Variants in MGRN1 observed in about 807,000 individuals in gnomAD.
The protein encoded by MGRN1 is mahogunin ring finger 1.
Under a neutral mutation model 69.2 loss-of-function variants are expected in MGRN1, and 29 were observed. That is an observed-to-expected ratio of 0.42 (90% CI 0.31 to 0.57). MGRN1 has a LOEUF of 0.57. MGRN1 is among the 20% of genes least tolerant of loss of function. The probability of loss-of-function intolerance (pLI) is 0.15; values close to 1 mark genes in which losing one functional copy is unlikely to be tolerated. For missense variants in MGRN1, 998 were observed against 796.2 expected (o/e 1.25, Z -3.05); for synonymous variants, 470 against 344.2 (o/e 1.37, Z -4.04).
At chr16:4,645,171 C>T (rs945649020) in intron 1 of MGRN1, among the ~76,000 whole-genome samples, 5 of 146,826 alleles carry the variant, frequency 3.4e-5, no homozygotes, top group African/African-American at 7.7e-5. Flanking sequence ...GGTGGGGGGA[C>T]GGGAAGAGAG....
chr16:4,657,686 T>A (rs1318972387), intron 5 of MGRN1, among the ~76,000 whole-genome samples: 1 of 151,860 alleles, frequency 6.6e-6, no homozygotes, highest in African/African-American at 2.4e-5. Flanking sequence ...CCAGGTGGCA[T>A]TCCTTCAAGC....
chr16:4,646,963 C>A (rs772373553), intron 1 of MGRN1, among the ~76,000 whole-genome samples: 1 of 152,192 alleles, frequency 6.6e-6, no homozygotes, highest in African/African-American at 2.4e-5. Context: ...CCCTCCAGAC[C>A]AAGGCTGCCC....
At position 4,683,927 on chromosome 16, in the gene MGRN1, T is replaced by C. The variant is rs777091179; in HGVS notation, c.1613T>C (p.Leu538Pro). 1.3e-5 allele frequency: 18 copies of C among 1,345,028 alleles called. No individual in the cohort carries two copies. In the East Asian group the frequency reaches 5.8e-4, roughly 43 times the overall value. The allele number at this position is 1,345,028 out of a possible 1,614,324, so 83.3% of individuals were successfully genotyped here. A position where few individuals can be genotyped will look rare whatever the true frequency, so the allele number is the denominator to read the frequency against. The change falls in exon 16 of 17, where the codon CTG (leucine) becomes CCG (proline). Residue 538 changes from leucine (L) to proline (P), a missense_variant. By Grantham distance (98) the Leu-to-Pro change is moderately conservative (BLOSUM62 -3). Transcript: ENST00000262370. ...CGRGPPADIYLPGRPTSMETA... is the reference protein window; with the variant it reads ...CGRGPPADIYPPGRPTSMETA... ...CGAGGCCCACCTGCTGACATCTACC[T>C]GCCAGGTAAGGGGCTGGGGGTCTGG... is the stretch of plus-strand genomic sequence containing the variant.
intron 16 of MGRN1, chr16:4,686,924 G>C: frequency 1.0e-6 from 1 of 985,492 alleles, no homozygotes; most frequent in Non-Finnish European, 1.2e-6. Flanking sequence ...TCTCTTGGAG[G>C]GAGTCCGTCC....
At chr16:4,686,194 G>GGCTGTGCTGGCT (rs1174844400) in intron 16 of MGRN1, 1 of 1,526,268 alleles carries the variant, frequency 6.6e-7, no homozygotes, top group Non-Finnish European at 8.8e-7. Flanking sequence ...CCCTTGCTGT[G>GGCTGTGCTGGCT]GCTGTGCTGG....
chr16:4,642,590 C>T (rs754254493), intron 1 of MGRN1, among the ~76,000 whole-genome samples: 1 of 151,858 alleles, frequency 6.6e-6, no homozygotes, highest in African/African-American at 2.4e-5. Flanking sequence ...TCCCAAAGTG[C>T]TGGGATTACA....
At chr16:4,677,651 C>A in intron 11 of MGRN1, 79 bp downstream of exon 11, 2 of 1,331,722 alleles carry the variant, frequency 1.5e-6, no homozygotes, top group Non-Finnish European at 2.1e-6. Flanking sequence ...CCAGACGGTC[C>A]AGCCAGCAGC....
At position 4,678,536 on chromosome 16, in the gene MGRN1, CGGAGAGACAGATGT is replaced by C. The variant is rs1339029402; in HGVS notation, c.1065+975_1065+988del. 3.3e-5 allele frequency among the ~76,000 whole-genome samples: 5 copies of C among 150,006 alleles called. No individual in the cohort carries two copies. In the East Asian group the frequency reaches 7.8e-4, roughly 24 times the overall value. On this transcript the variant is annotated intron_variant, in intron 11 of 16. Coordinates refer to ENST00000262370, the MANE Select transcript of MGRN1 (RefSeq NM_015246.4). ...GAAGAGACAGACAGATGTGGAGAGA[CGGAGAGACAGATGT>C]GGAGAGACAGGGTGAGAGAGATGTG... is the stretch of plus-strand genomic sequence containing the variant.
chr16:4,639,114 A>T (rs1460602241), intron 1 of MGRN1, among the ~76,000 whole-genome samples: 1 of 152,124 alleles, frequency 6.6e-6, no homozygotes, highest in Non-Finnish European at 1.5e-5. Context: ...ATCTGCTTTC[A>T]TTCATTAGGT....
chr16:4,649,027 T>A (rs2078343283), intron 1 of MGRN1: 1 of 153,992 alleles, frequency 6.5e-6, no homozygotes, highest in Admixed American at 6.5e-5. Context: ...CTCTCAGTGT[T>A]CCTTGGCAGG....
chr16:4,668,147 T>A, intron 7 of MGRN1, 118 bp from the exon 8 acceptor site: 1 of 689,738 alleles, frequency 1.4e-6, no homozygotes, highest in Non-Finnish European at 2.4e-6. Flanking sequence ...TTCTTTTTTC[T>A]TTTTCCAGCT....
intron 9 of MGRN1, 148 bp from the exon 10 acceptor site, chr16:4,673,350 G>A: frequency 9.2e-7 from 1 of 1,082,834 alleles, no homozygotes; most frequent in Non-Finnish European, 1.3e-6. Flanking sequence ...TTCTGCTCTG[G>A]GGCAACCTCC....
intron 16 of MGRN1, among the ~76,000 whole-genome samples, chr16:4,685,812 C>T (rs904743906): frequency 1.8e-4 from 27 of 152,194 alleles, no homozygotes; most frequent in African/African-American, 5.5e-4. Flanking sequence ...GGGGTGCAGC[C>T]GCTGCCTGGC....
intron 16 of MGRN1, chr16:4,687,060 T>C: frequency 1.0e-6 from 1 of 985,662 alleles, no homozygotes; most frequent in Non-Finnish European, 1.2e-6. Flanking sequence ...GGGCCTGGCA[T>C]CACCATGGGC....
chr16:4,664,693 G>A lies in MGRN1; in HGVS notation c.562-16G>A, dbSNP rs1237243037. ...GCTGTGTGGGTCCTGACCATTCTTG[G>A]CAACTCTCTCCTCAGCTGAACTTTG... On this transcript the variant is annotated splice_polypyrimidine_tract_variant and intron_variant, in intron 5 of 16. Coordinates refer to ENST00000262370, the MANE Select transcript of MGRN1 (RefSeq NM_015246.4). 1.2e-6 allele frequency: 2 copies of A among 1,614,016 alleles called. No individual in the cohort carries two copies. Among genetic ancestry groups the A allele is most frequent in the Non-Finnish European group, 1.7e-6 (2 of 1,180,014 alleles).
Position 4,652,818 on chromosome 16 carries a change from G to C in MGRN1, c.437G>C (p.Arg146Thr). Reference sequence around the variant, plus strand: ...GCATCGGAGGAGTTCCTGAACGGCAGGGCAGTGTGAGTCCCGCGGGCGGCT... The same window carrying C: ...GCATCGGAGGAGTTCCTGAACGGCACGGCAGTGTGAGTCCCGCGGGCGGCT... ...CQASEEFLNG[R>T]AVYSPKSPSL... The change falls in exon 4 of 17, where the codon AGG (arginine) becomes ACG (threonine). Residue 146 changes from arginine to threonine, a missense_variant. By Grantham distance (71) the Arg-to-Thr change is moderately conservative. Transcript: ENST00000262370. The C allele has an allele frequency of 6.2e-7, 1 of 1,605,554 alleles. No homozygotes were observed. Among genetic ancestry groups the C allele is most frequent in the Non-Finnish European group, 8.5e-7 (1 of 1,175,404 alleles).
intron 1 of MGRN1, among the ~76,000 whole-genome samples, chr16:4,631,867 T>C (rs1898017982): frequency 6.7e-6 from 1 of 149,942 alleles, no homozygotes; most frequent in Non-Finnish European, 1.5e-5. Flanking sequence ...ATGAACATGG[T>C]ATATCTCTAC....
chr16:4,632,043 TTG>T (rs1898034687), intron 1 of MGRN1, among the ~76,000 whole-genome samples: 1 of 139,152 alleles, frequency 7.2e-6, no homozygotes, highest in Admixed American at 7.4e-5. Flanking sequence ...AGATGGAGTC[TTG>T]CTCTTGTCAC....
intron 16 of MGRN1, among the ~76,000 whole-genome samples, chr16:4,686,026 C>T (rs1486428438): frequency 6.6e-6 from 1 of 152,210 alleles, no homozygotes; most frequent in Admixed American, 6.5e-5. Flanking sequence ...TAGGCTGCGG[C>T]AGCGGGAGGT....
Sources: allele counts gnomAD v4.1 joint callset (sites outside exome capture counted in the v4.1 genomes callset), GRCh38; gene constraint gnomAD v4.1.1; transcripts MANE v1.5; gene names NCBI Gene and HGNC (gene_info 2026-07-23, HGNC 2026-07-21).